HDX: variants seen among roughly 807,000 people sequenced by gnomAD.
HDX encodes the protein chromosome X open reading frame 43.
Under a neutral mutation model 45.2 loss-of-function variants are expected in HDX, and 19 were observed. The observed-to-expected ratio is 0.42, with a 90% CI of 0.29 to 0.62. HDX has a LOEUF of 0.62. Ranked by LOEUF, HDX falls within the 20% of genes least tolerant of loss-of-function variation. HDX has a pLI of 0.20. For missense variants in HDX, 532 were observed against 493.9 expected, an observed-to-expected ratio of 1.08 and a Z score of -0.73; for synonymous variants, 188 against 172.8, an observed-to-expected ratio of 1.09 and a Z score of -0.69.
At chrX:84,369,272 A>C (rs1162423050) in intron 5 of HDX, among the ~76,000 whole-genome samples, 2 of 112,328 alleles carry the variant, frequency 1.8e-5, no homozygotes, top group African/African-American at 6.5e-5. Context: ...AGAATGAATA[A>C]TATTTCATTG....
At chrX:84,497,663 A>T (rs907743705) in intron 1 of HDX, among the ~76,000 whole-genome samples, 1 of 106,600 alleles carries the variant, frequency 9.4e-6, no homozygotes, top group South Asian at 4.2e-4. Flanking sequence ...GAGAAAAGAA[A>T]CTAGGGGAAA....
intron 5 of HDX, among the ~76,000 whole-genome samples, chrX:84,428,089 G>A (rs144927326): frequency 0.022 from 2,426 of 110,100 alleles, 40 homozygotes; most frequent in Non-Finnish European, 0.031. Flanking sequence ...TATCTCCTTT[G>A]GTGAAGTGTC....
At chrX:84,384,918 T>C (rs1289248316) in intron 5 of HDX, among the ~76,000 whole-genome samples, 1 of 111,148 alleles carries the variant, frequency 9.0e-6, no homozygotes, top group Admixed American at 9.6e-5. Flanking sequence ...TTTGTTGTTT[T>C]GGTTCCTGTA....
chrX:84,396,678 G>A (rs1463432224), intron 5 of HDX, among the ~76,000 whole-genome samples: 3 of 111,805 alleles, frequency 2.7e-5, no homozygotes, highest in African/African-American at 9.8e-5. Context: ...ATCCCCAATG[G>A]GTTGGGAAGG....
intron 5 of HDX, among the ~76,000 whole-genome samples, chrX:84,434,006 A>G (rs945822939): frequency 1.6e-4 from 18 of 111,694 alleles, no homozygotes; most frequent in African/African-American, 5.2e-4. Context: ...ACGCATAAAA[A>G]TGCTACTGAA....
At chrX:84,351,277 A>G (rs2037353169) in intron 6 of HDX, among the ~76,000 whole-genome samples, 1 of 111,294 alleles carries the variant, frequency 9.0e-6, no homozygotes, top group South Asian at 3.8e-4. Flanking sequence ...TGACATTGCA[A>G]GGGAATGGTG....
At chrX:84,363,863 T>C (rs750052889) in intron 5 of HDX, among the ~76,000 whole-genome samples, 50 of 111,378 alleles carry the variant, frequency 4.5e-4, no homozygotes, top group Non-Finnish European at 5.7e-4. Flanking sequence ...AACCTAAACC[T>C]GTGGCTGAGG....
chrX:84,385,420 A>G (rs2147916918), intron 5 of HDX, among the ~76,000 whole-genome samples: 1 of 106,613 alleles, frequency 9.4e-6, no homozygotes, highest in East Asian at 3.0e-4. Context: ...TCACCGTTTT[A>G]GCCAGGATGG....
At chrX:84,336,178 G>A (rs1032672355) in intron 8 of HDX, among the ~76,000 whole-genome samples, 2 of 111,127 alleles carry the variant, frequency 1.8e-5, no homozygotes, top group Non-Finnish European at 3.8e-5. Context: ...TGCTAAAACA[G>A]CTGCATAGGG....
intron 5 of HDX, among the ~76,000 whole-genome samples, chrX:84,388,780 T>C (rs1287411083): frequency 8.9e-6 from 1 of 112,326 alleles, no homozygotes; most frequent in Non-Finnish European, 1.9e-5. Context: ...GCCATCAAGA[T>C]GCTGAATTCT....
chrX:84,363,316 A>G (rs2037666416), intron 5 of HDX, among the ~76,000 whole-genome samples: 1 of 112,310 alleles, frequency 8.9e-6, no homozygotes, highest in African/African-American at 3.2e-5. Flanking sequence ...AATTATAGTA[A>G]GATTCTATGT....
chrX:84,423,710 C>G (rs191490533), intron 5 of HDX, among the ~76,000 whole-genome samples: 1 of 111,617 alleles, frequency 9.0e-6, no homozygotes, highest in East Asian at 2.8e-4. Flanking sequence ...AAGTATAAAA[C>G]CTTTATGATC....
intron 5 of HDX, among the ~76,000 whole-genome samples, chrX:84,384,150 G>C (rs752054904): frequency 1.8e-5 from 2 of 111,348 alleles, no homozygotes; most frequent in Non-Finnish European, 1.9e-5. Context: ...GGCTGAACCA[G>C]TTTACATTTC....
intron 5 of HDX, among the ~76,000 whole-genome samples, chrX:84,374,277 A>G (rs2037981379): frequency 9.1e-6 from 1 of 110,305 alleles, no homozygotes; most frequent in African/African-American, 3.3e-5. Context: ...AACAAATGGA[A>G]GAACATTCCA....
chrX:84,413,711 C>A (rs2039038726), intron 5 of HDX, among the ~76,000 whole-genome samples: 1 of 111,558 alleles, frequency 9.0e-6, no homozygotes, highest in Non-Finnish European at 1.9e-5. Flanking sequence ...TCCTCTTTTT[C>A]TGAAGAGACT....
intron 5 of HDX, among the ~76,000 whole-genome samples, chrX:84,436,430 A>AT (rs1034582048): frequency 2.7e-4 from 30 of 110,658 alleles, no homozygotes; most frequent in African/African-American, 9.2e-4. Flanking sequence ...TGATTATTTG[A>AT]TTTTTTTTCT....
intron 5 of HDX, among the ~76,000 whole-genome samples, chrX:84,434,675 T>G (rs1474627294): frequency 9.0e-6 from 1 of 111,608 alleles, no homozygotes. Flanking sequence ...AGGGTTATGC[T>G]GGCCACATAG....
chrX:84,434,714 C>T (rs374394220), intron 5 of HDX, among the ~76,000 whole-genome samples: 5 of 111,209 alleles, frequency 4.5e-5, no homozygotes, highest in South Asian at 3.7e-4. Flanking sequence ...ATCTCCACTT[C>T]GATGTTTTGG....
chrX:84,357,453 G>T (rs1304000016), intron 6 of HDX, among the ~76,000 whole-genome samples: 1 of 111,592 alleles, frequency 9.0e-6, no homozygotes, highest in African/African-American at 3.3e-5. Context: ...GCTAAGTTAT[G>T]CAGAAAAGGA....
Sources: gnomAD v4.1 joint callset for allele counts (sites outside exome capture counted in the v4.1 genomes callset) on GRCh38, gnomAD v4.1.1 for gene constraint, MANE v1.5 for transcripts, NCBI Gene and HGNC (gene_info 2026-07-23, HGNC 2026-07-21) for gene names.